CDH18: variants seen among roughly 807,000 people sequenced by gnomAD.
CDH18 encodes cadherin 18, also known as cadherin-18.
A neutral mutation model predicts 67.9 loss-of-function variants in CDH18; 31 were observed. That is an observed-to-expected ratio of 0.46 (90% CI 0.34 to 0.62). CDH18 has a LOEUF of 0.62. Ranked by LOEUF, CDH18 falls within the 20% of genes least tolerant of loss-of-function variation. CDH18 has a pLI of 0.01. For missense variants in CDH18, 890 were observed against 975.5 expected, an observed-to-expected ratio of 0.91 and a Z score of 1.17; for synonymous variants, 362 against 347.2, an observed-to-expected ratio of 1.04 and a Z score of -0.48.
At chr5:20,418,749 A>AAT (rs1363292983) in intron 1 of CDH18, among the ~76,000 whole-genome samples, 2 of 152,140 alleles carry the variant, frequency 1.3e-5, no homozygotes, top group Non-Finnish European at 2.9e-5. Context: ...TATGCATATG[A>AAT]ATATAGATGT....
chr5:20,196,188 T>C (rs1738960480), intron 2 of CDH18, among the ~76,000 whole-genome samples: 2 of 152,142 alleles, frequency 1.3e-5, no homozygotes, highest in African/African-American at 2.4e-5. Context: ...TTTCTGACAC[T>C]CCACCTAACA....
At chr5:19,527,173 T>C in intron 9 of CDH18, among the ~76,000 whole-genome samples, 1 of 151,876 alleles carries the variant, frequency 6.6e-6, no homozygotes. Context: ...CAATAAGTTT[T>C]GCAAACAGGT....
Position 19,471,972 on chromosome 5 carries a change from A to G in CDH18, c.*1254T>C, listed in dbSNP as rs1466067554. On this transcript the variant is annotated 3_prime_UTR_variant, in exon 13 of 13. Coordinates refer to ENST00000382275, the MANE Select transcript of CDH18 (RefSeq NM_004934.5). ...AACAACCCTGTGAGGTGGGCAGGGA[A>G]GTCATTGCCATCTCTACTTTGTGGT... 6.6e-6 allele frequency among the ~76,000 whole-genome samples: 1 copy of G among 152,152 alleles called. No homozygotes were observed. Among genetic ancestry groups the G allele is most frequent in the African/African-American group, 2.4e-5 (1 of 41,444 alleles).
In CDH18 at chr5:20,571,352, A is replaced by AAT. The variant is rs1459988015; in HGVS notation, c.-580+4108_-580+4109dup. On this transcript the variant is annotated intron_variant, in intron 1 of 14. Transcript: ENST00000507958. ...CCCATCTCCATTTCTGTGCTACTTT[A>AAT]ATATAAAAGATAATCTCTTTTTAGA... Among the ~76,000 whole-genome samples the AAT allele has an allele frequency of 2.0e-5, 3 of 152,088 alleles. No homozygotes were observed. The East Asian group carries it at 5.8e-4, about 29-fold the overall frequency.
intron 5 of CDH18, among the ~76,000 whole-genome samples, chr5:19,683,862 A>C (rs1760687282): frequency 6.6e-6 from 1 of 152,004 alleles, no homozygotes; most frequent in Non-Finnish European, 1.5e-5. Context: ...CCCCTGTTTC[A>C]CTGTTTCTCA....
chr5:19,813,030 T>C (rs1326441247), intron 3 of CDH18, among the ~76,000 whole-genome samples: 1 of 152,018 alleles, frequency 6.6e-6, no homozygotes, highest in African/African-American at 2.4e-5. Context: ...CTCAGGAAAC[T>C]AACACAGGAA....
chr5:20,316,389 T>C (rs1304944331), intron 1 of CDH18, among the ~76,000 whole-genome samples: 1 of 152,104 alleles, frequency 6.6e-6, no homozygotes, highest in Non-Finnish European at 1.5e-5. Flanking sequence ...AATATTGTGG[T>C]TGCAAGTAGA....
At chr5:20,544,260 G>A (rs554575612) in intron 1 of CDH18, among the ~76,000 whole-genome samples, 27 of 152,238 alleles carry the variant, frequency 1.8e-4, no homozygotes, top group African/African-American at 6.5e-4. Flanking sequence ...TTGCATGCAT[G>A]TGGGTTAATA....
chr5:19,543,798 C>T (rs2127080677), intron 9 of CDH18, 71 bp downstream of exon 9: 1 of 1,121,424 alleles, frequency 8.9e-7, no homozygotes, highest in Non-Finnish European at 1.3e-6. Flanking sequence ...GAGAGCCCTG[C>T]TCTTAAGGAA....
At chr5:20,074,130 G>A (rs1055505055) in intron 2 of CDH18, among the ~76,000 whole-genome samples, 7 of 151,950 alleles carry the variant, frequency 4.6e-5, no homozygotes, top group African/African-American at 1.7e-4. Flanking sequence ...AGTTTATTAG[G>A]CTCTCTTTTT....
At chr5:20,078,663 C>T (rs1401004204) in intron 2 of CDH18, among the ~76,000 whole-genome samples, 1 of 151,798 alleles carries the variant, frequency 6.6e-6, no homozygotes, top group Non-Finnish European at 1.5e-5. Context: ...TGCGGTGGCT[C>T]ACCATCTTGG....
intron 5 of CDH18, among the ~76,000 whole-genome samples, chr5:19,719,111 T>C (rs1765688957): frequency 6.6e-6 from 1 of 152,004 alleles, no homozygotes. Context: ...TTCAGACACA[T>C]GAACACACAA....
Position 20,536,145 on chromosome 5 carries a change from G to A in CDH18, c.-580+39317C>T, listed in dbSNP as rs182652731. On this transcript the variant is annotated intron_variant, in intron 1 of 14. Transcript: ENST00000507958. Reference sequence around the variant, plus strand: ...CACAACCTGAAACCATTCAGTATATGTTCAGGGGACTTTCTTACAGCAGTT... The same window carrying A: ...CACAACCTGAAACCATTCAGTATATATTCAGGGGACTTTCTTACAGCAGTT... Among the ~76,000 whole-genome samples the A allele has an allele frequency of 7.9e-5, 12 of 152,264 alleles. No individual in the cohort carries two copies. In the East Asian group the frequency reaches 2.1e-3, roughly 27 times the overall value.
intron 1 of CDH18, among the ~76,000 whole-genome samples, chr5:20,363,234 CAGCACTTTGGG>C (rs1742231192): frequency 6.6e-6 from 1 of 150,940 alleles, no homozygotes; most frequent in Non-Finnish European, 1.5e-5. Flanking sequence ...CCTGTAATCC[CAGCACTTTGGG>C]AGGCCAAGGA....
At chr5:20,360,552 A>G (rs1449464894) in intron 1 of CDH18, among the ~76,000 whole-genome samples, 4 of 152,224 alleles carry the variant, frequency 2.6e-5, no homozygotes, top group Non-Finnish European at 5.9e-5. Context: ...AATAAGACAC[A>G]GCATATAATG....
At chr5:20,313,874 T>C (rs1737222263) in intron 1 of CDH18, among the ~76,000 whole-genome samples, 1 of 152,048 alleles carries the variant, frequency 6.6e-6, no homozygotes, top group Admixed American at 6.6e-5. Flanking sequence ...TCAAATTTCC[T>C]TGGGTAATCT....
intron 1 of CDH18, among the ~76,000 whole-genome samples, chr5:20,459,594 T>C (rs915970844): frequency 3.3e-5 from 5 of 152,160 alleles, no homozygotes; most frequent in Non-Finnish European, 7.4e-5. Context: ...TGCCCTCCCC[T>C]AGACTTCCTG....
At chr5:20,266,015 C>A (rs1200059428) in intron 1 of CDH18, among the ~76,000 whole-genome samples, 1 of 152,186 alleles carries the variant, frequency 6.6e-6, no homozygotes, top group African/African-American at 2.4e-5. Flanking sequence ...GGACATCCAT[C>A]TTCTCCTCCT....
At chr5:20,392,989 AG>A in intron 1 of CDH18, among the ~76,000 whole-genome samples, 1 of 152,016 alleles carries the variant, frequency 6.6e-6, no homozygotes, top group Non-Finnish European at 1.5e-5. Context: ...TATGATATTT[AG>A]TATTTCTATC....
Sources: gnomAD v4.1 joint callset for allele counts (sites outside exome capture counted in the v4.1 genomes callset) on GRCh38, gnomAD v4.1.1 for gene constraint, MANE v1.5 for transcripts, NCBI Gene and HGNC (gene_info 2026-07-23, HGNC 2026-07-21) for gene names.